Variants in ZNF469 observed in about 807,000 individuals in gnomAD.
ZNF469 encodes zinc finger protein 469.
In ZNF469, 1 loss-of-function variant was observed where a neutral mutation model predicts 1.0. The ratio of observed to expected loss-of-function variants is 1.00; its 90% CI spans 0.35 to 4.73. ZNF469 has a LOEUF of 4.73. ZNF469 is among the 30% of genes most tolerant of loss of function. ZNF469 has a pLI of 0.16. For synonymous variants in ZNF469, 2,703 were observed against 2,363.4 expected, an observed-to-expected ratio of 1.14 and a Z score of -4.17; for missense variants, 6,100 against 5,356.3, an observed-to-expected ratio of 1.14 and a Z score of -4.33.
At chr16:88,252,663 A>G in the ZNF469 span, among the ~76,000 whole-genome samples, 13 of 152,262 alleles carry the variant, frequency 8.5e-5, no homozygotes, top group African/African-American at 3.1e-4. Context: ...TATAGAGACT[A>G]TGACTTCATT....
rs1412293726 is a variant in ZNF469 at position 88,427,682 on chromosome 16, G to A, written c.212G>A (p.Gly71Glu). The A allele has an allele frequency of 1.3e-6, 2 of 1,534,050 alleles. No homozygotes were observed. The highest frequency in any genetic ancestry group is 2.0e-5 in the Admixed American group (1 of 50,638). ...GCCCAGCCAAGGCAGGCCAGGGACG[G>A]GGAGCTCAAGCCCCCATCCCTGAGA... ...PEAQPRQARD[G>E]ELKPPSLRGQ... Residue 71 changes from glycine to glutamate, a missense_variant, in exon 3 of 3, where the codon GGG becomes GAG. By Grantham distance (98) the Gly-to-Glu change is moderately conservative. Coordinates refer to ENST00000565624, the MANE Select transcript of ZNF469 (RefSeq NM_001367624.2).
At chr16:88,289,016 C>T in the ZNF469 span, among the ~76,000 whole-genome samples, 12 of 151,112 alleles carry the variant, frequency 7.9e-5, no homozygotes, top group South Asian at 8.4e-4. Flanking sequence ...ATGATAATGA[C>T]GATGATGAGG....
upstream of ZNF469, among the ~76,000 whole-genome samples, chr16:88,379,058 G>A (rs986985798): frequency 9.8e-5 from 15 of 152,306 alleles, no homozygotes; most frequent in Non-Finnish European, 1.6e-4. Flanking sequence ...GGAATCTGTC[G>A]GAGGCTTCTC....
the ZNF469 span, among the ~76,000 whole-genome samples, chr16:88,369,976 T>C: frequency 6.6e-6 from 1 of 152,204 alleles, no homozygotes; most frequent in African/African-American, 2.4e-5. Context: ...AATTGCATTG[T>C]TTTCCTGTTT....
chr16:88,211,919 A>T, the ZNF469 span, among the ~76,000 whole-genome samples: 1 of 152,086 alleles, frequency 6.6e-6, no homozygotes, highest in African/African-American at 2.4e-5. Context: ...CCTCCATTTC[A>T]TGCTTTTCCA....
chr16:88,434,306 C>G lies in ZNF469; in HGVS notation c.6836C>G (p.Pro2279Arg), dbSNP rs1906411559. Reference sequence around the variant, plus strand: ...CCTCCTCTGGCAGGGGCCGTCTCCCCCAGCGTGGCCGTCAGGGCTACTGGC... The same window carrying G: ...CCTCCTCTGGCAGGGGCCGTCTCCCGCAGCGTGGCCGTCAGGGCTACTGGC... ...TSPPLAGAVS[P>R]SVAVRATGLS... The change falls in exon 3 of 3, where the codon CCC (proline) becomes CGC (arginine). Residue 2279 changes from proline (P) to arginine (R), a missense_variant. Transcript: ENST00000565624. 6.5e-7 allele frequency: 1 copy of G among 1,550,380 alleles called. No homozygotes were observed. The highest frequency in any genetic ancestry group is 1.2e-5 in the South Asian group (1 of 84,064).
chr16:88,383,591 G>A (rs1380718621), intron 1 of ZNF469, among the ~76,000 whole-genome samples: 1 of 150,474 alleles, frequency 6.6e-6, no homozygotes, highest in Non-Finnish European at 1.5e-5. Flanking sequence ...CGAGGGCCGC[G>A]GAGCGAGGGG....
At chr16:88,224,148 C>T in the ZNF469 span, among the ~76,000 whole-genome samples, 1 of 152,104 alleles carries the variant, frequency 6.6e-6, no homozygotes, top group Non-Finnish European at 1.5e-5. Context: ...TGCAGAAGGG[C>T]GCTGAGAAGG....
At chr16:88,260,708 C>G in the ZNF469 span, among the ~76,000 whole-genome samples, 1 of 152,180 alleles carries the variant, frequency 6.6e-6, no homozygotes, top group Non-Finnish European at 1.5e-5. This position sits in a 1 kb window ranked among gnomAD's most constrained non-coding sequence, Gnocchi z 4.1. Context: ...CCCATCTGTA[C>G]TGGCCCCAGA....
At chr16:88,140,416 G>C in the ZNF469 span, among the ~76,000 whole-genome samples, 2 of 149,850 alleles carry the variant, frequency 1.3e-5, no homozygotes, top group African/African-American at 5.1e-5. Flanking sequence ...GTAGAAATCG[G>C]GGGGTAGCAC....
chr16:88,232,857 G>A, the ZNF469 span, among the ~76,000 whole-genome samples: 1 of 152,244 alleles, frequency 6.6e-6, no homozygotes, highest in African/African-American at 2.4e-5. Flanking sequence ...TCAGGGTTCT[G>A]GGCACGTCGC....
the ZNF469 span, among the ~76,000 whole-genome samples, chr16:88,369,812 C>G: frequency 6.6e-6 from 1 of 152,210 alleles, no homozygotes; most frequent in African/African-American, 2.4e-5. Flanking sequence ...AGGCCACCCC[C>G]GCGACCCCCA....
the ZNF469 span, among the ~76,000 whole-genome samples, chr16:88,199,800 T>C: frequency 2.0e-5 from 3 of 152,048 alleles, no homozygotes; most frequent in Non-Finnish European, 4.4e-5. Context: ...GGACTCAGCG[T>C]CCCCACCTGG....
chr16:88,304,768 G>A, the ZNF469 span, among the ~76,000 whole-genome samples: 1 of 152,184 alleles, frequency 6.6e-6, no homozygotes, highest in Non-Finnish European at 1.5e-5. Flanking sequence ...GCTTTTGACT[G>A]CTGCTTTGAG....
At chr16:88,164,259 G>T in the ZNF469 span, among the ~76,000 whole-genome samples, 3 of 149,542 alleles carry the variant, frequency 2.0e-5, no homozygotes, top group African/African-American at 5.1e-5. Context: ...GGGTAGATGG[G>T]TGGGCAGATA....
chr16:88,387,932 G>C lies in ZNF469; in HGVS notation c.-192+4678G>C, dbSNP rs556334175. 1.6e-4 allele frequency among the ~76,000 whole-genome samples: 25 copies of C among 152,374 alleles called. No individual in the cohort carries two copies. In the East Asian group the frequency reaches 4.8e-3, roughly 29 times the overall value. ...GGCCCCTCAAGTGGAAAGAACACAGGCTTGGGGTCCTCAGAGCTCTGGGGC... is the reference window on the plus strand; with the variant it reads ...GGCCCCTCAAGTGGAAAGAACACAGCCTTGGGGTCCTCAGAGCTCTGGGGC... On this transcript the variant is annotated intron_variant, in intron 1 of 2. Coordinates refer to ENST00000565624, the MANE Select transcript of ZNF469 (RefSeq NM_001367624.2).
chr16:88,281,942 G>T, the ZNF469 span, among the ~76,000 whole-genome samples: 9 of 152,248 alleles, frequency 5.9e-5, no homozygotes, highest in Non-Finnish European at 1.3e-4. Flanking sequence ...TCAGTGCATG[G>T]ATTGTACTGC....
At chr16:88,166,691 C>G in the ZNF469 span, among the ~76,000 whole-genome samples, 3 of 151,486 alleles carry the variant, frequency 2.0e-5, no homozygotes, top group African/African-American at 7.3e-5. The surrounding 1 kb of genome is among the most constrained non-coding windows in gnomAD (Gnocchi z 4.5). Context: ...CTGGGTGAGG[C>G]GTTTTTCAAG....
At chr16:88,200,711 G>A in the ZNF469 span, among the ~76,000 whole-genome samples, 1 of 152,242 alleles carries the variant, frequency 6.6e-6, no homozygotes, top group Non-Finnish European at 1.5e-5. Context: ...AAAGCCACTG[G>A]AAGAGGAAAC....
Sources: gnomAD v4.1 joint callset for allele counts (sites outside exome capture counted in the v4.1 genomes callset) on GRCh38, gnomAD v4.1.1 for gene constraint, Gnocchi (gnomAD v3.1) non-coding constraint, MANE v1.5 for transcripts, NCBI Gene and HGNC (gene_info 2026-07-23, HGNC 2026-07-21) for gene names.